Variants in VWA3A observed in about 807,000 individuals in gnomAD.
VWA3A encodes von Willebrand factor A domain-containing protein 3A.
In VWA3A, 134 loss-of-function variants were observed where a neutral mutation model predicts 160.4. The ratio of observed to expected loss-of-function variants is 0.84; its 90% CI spans 0.73 to 0.96. The LOEUF is 0.96. Ranked by LOEUF, VWA3A falls within the 40% of genes least tolerant of loss-of-function variation. The probability of loss-of-function intolerance (pLI) is 0.00; values close to 1 mark genes in which losing one functional copy is unlikely to be tolerated. For synonymous variants in VWA3A, 476 were observed against 543.4 expected, an observed-to-expected ratio of 0.88 and a Z score of 1.72; for missense variants, 1,310 against 1,447.9, an observed-to-expected ratio of 0.90 and a Z score of 1.55.
chr16:22,145,575 G>A (rs1015794592), intron 26 of VWA3A, among the ~76,000 whole-genome samples: 2 of 151,282 alleles, frequency 1.3e-5, no homozygotes, highest in Admixed American at 1.3e-4. Context: ...GGAGGCAGAG[G>A]CTGAAGTGAG....
chr16:22,131,909 C>A (rs180792340), intron 19 of VWA3A, among the ~76,000 whole-genome samples, 180 bp downstream of exon 19: 1 of 152,274 alleles, frequency 6.6e-6, no homozygotes, highest in East Asian at 1.9e-4. Flanking sequence ...CCAGCCTGGG[C>A]AATATAGTGA....
rs1196373166 is a variant in VWA3A at position 22,139,216 on chromosome 16, G to A, written c.2292+704G>A. The stretch of plus-strand genomic sequence containing the variant: ...GTGCAGCCGGGTTCTGCCCTCGTTC[G>A]GGGAACTCTGCCAGGTTTCAGGAGC... On this transcript the variant is annotated intron_variant, in intron 22 of 33. Transcript: ENST00000389398. Among the ~76,000 whole-genome samples the A allele has an allele frequency of 5.9e-5, 9 of 152,130 alleles. No homozygotes were observed. In the East Asian group the frequency reaches 1.3e-3, roughly 23 times the overall value.
intron 31 of VWA3A, among the ~76,000 whole-genome samples, chr16:22,154,584 C>T (rs2046405744): frequency 6.6e-6 from 1 of 151,928 alleles, no homozygotes; most frequent in Admixed American, 6.6e-5. Context: ...CCGCCTCAGC[C>T]ACCCAAAGCG....
chr16:22,141,805 T>C, intron 24 of VWA3A, 113 bp downstream of exon 24: 4 of 825,792 alleles, frequency 4.8e-6, no homozygotes, highest in Non-Finnish European at 7.5e-6. Flanking sequence ...ACCTAGGCAC[T>C]GGTGCCTCTG....
Position 22,121,002 on chromosome 16 carries a change from G to A in VWA3A, c.1151G>A (p.Ser384Asn), listed in dbSNP as rs1598066836. Residue 384 changes from serine to asparagine, a missense_variant, in exon 13 of 34, where the codon AGC becomes AAC. Physicochemically the swap from Ser to Asn is conservative, Grantham distance 46 (BLOSUM62 1). Coordinates refer to ENST00000389398, the MANE Select transcript of VWA3A (RefSeq NM_173615.5). ...GAGATTACAAATGGGCCACTCATAA[G>A]CCTCTTGCCTAAACCCCCAAAGCAT... is the stretch of plus-strand genomic sequence containing the variant. ...STEITNGPLI[S>N]LLPKPPKHDA... 2 of 1,613,958 alleles carry A rather than the reference G, an allele frequency of 1.2e-6. No individual in the cohort carries two copies. Among genetic ancestry groups the A allele is most frequent in the Non-Finnish European group, 1.7e-6 (2 of 1,179,884 alleles).
At chr16:22,127,180 G>T (rs760020493) in intron 17 of VWA3A, among the ~76,000 whole-genome samples, 1 of 151,854 alleles carries the variant, frequency 6.6e-6, no homozygotes, top group Non-Finnish European at 1.5e-5. Flanking sequence ...TGACTGGAGT[G>T]CAGTGGCTTG....
At position 22,156,623 on chromosome 16, in the gene VWA3A, T is replaced by G. The variant is rs1362418626; in HGVS notation, c.*606T>G. ...ACATGGTGAACAGTGAGCAGGCGGC[T>G]GAGCTGTGAGAGCCTAGCTCTGGAA... On this transcript the variant is annotated 3_prime_UTR_variant, in exon 34 of 34. Coordinates refer to ENST00000389398, the MANE Select transcript of VWA3A (RefSeq NM_173615.5). The G allele has an allele frequency of 6.6e-6, 1 of 152,258 alleles. No individual in the cohort carries two copies. The highest frequency in any genetic ancestry group is 1.5e-5 in the Non-Finnish European group (1 of 68,100). The allele number at this position is 152,258 out of a possible 1,614,324, so 9.4% of individuals were successfully genotyped here.
chr16:22,096,786 A>G (rs1333078294), intron 1 of VWA3A, 73 bp from the exon 2 acceptor site: 5 of 1,002,964 alleles, frequency 5.0e-6, no homozygotes, highest in Admixed American at 2.3e-5. Flanking sequence ...ATTGTGCTGA[A>G]TATAGATACC....
In VWA3A at chr16:22,155,920, A is replaced by C; in HGVS notation, c.*14+4A>C. On this transcript the variant is annotated splice_donor_region_variant and intron_variant, in intron 33 of 33. Transcript: ENST00000389398. ...TTTCCTAGAGAAGTGTTCTCAGGTA[A>C]GGGGAGGGGCTAGACCCCATACTAC... 2 of 1,613,860 alleles carry C rather than the reference A, an allele frequency of 1.2e-6. No individual in the cohort carries two copies. The highest frequency in any genetic ancestry group is 2.7e-5 in the African/African-American group (2 of 75,054).
intron 27 of VWA3A, among the ~76,000 whole-genome samples, chr16:22,147,386 G>A (rs960526328): frequency 2.6e-5 from 4 of 152,158 alleles, no homozygotes; most frequent in African/African-American, 7.2e-5. Flanking sequence ...TGTGGATTAA[G>A]AGACGGTCTG....
intron 6 of VWA3A, among the ~76,000 whole-genome samples, chr16:22,104,485 T>C (rs980698638): frequency 1.3e-5 from 2 of 151,820 alleles, no homozygotes; most frequent in African/African-American, 4.8e-5. Flanking sequence ...TGAGACTCCC[T>C]CTCAAAACAA....
chr16:22,148,080 T>A (rs1234801764), intron 27 of VWA3A, 82 bp from the exon 28 acceptor site: 12 of 1,462,680 alleles, frequency 8.2e-6, no homozygotes, highest in Non-Finnish European at 1.1e-5. Flanking sequence ...ACTTTATACT[T>A]GATAGATAGA....
At position 22,126,794 on chromosome 16, in the gene VWA3A, A is replaced by C. The variant is rs1038686869; in HGVS notation, c.1652+497A>C. Among the ~76,000 whole-genome samples, 3 of 152,134 alleles carry C rather than the reference A, an allele frequency of 2.0e-5. No homozygotes were observed. In the South Asian group the frequency reaches 6.2e-4, roughly 32 times the overall value. ...AGGCCGAGACAGGAGGATCGCTTGCATCCAGGAGTTTGAGACCAGCCTGGG... is the reference window on the plus strand; with the variant it reads ...AGGCCGAGACAGGAGGATCGCTTGCCTCCAGGAGTTTGAGACCAGCCTGGG... On this transcript the variant is annotated intron_variant, in intron 17 of 33. Transcript: ENST00000389398.
chr16:22,100,416 G>A lies in VWA3A; in HGVS notation c.351G>A (p.Leu117=), dbSNP rs781232829. ...ADLISQGTEV[L]EEGTNVVQKI... Reference sequence around the variant, plus strand: ...CCCTCATAAGGCTTTGCTTCTTCAGGGAGGAGGGCACCAATGTCGTGCAGA... The same window carrying A: ...CCCTCATAAGGCTTTGCTTCTTCAGAGAGGAGGGCACCAATGTCGTGCAGA... The change falls in exon 5 of 34, where the codon CTG becomes CTA. Residue 117 remains leucine, a splice_region_variant and synonymous_variant. Transcript: ENST00000389398. 1 of 1,551,590 alleles carries A rather than the reference G, an allele frequency of 6.4e-7. No homozygotes were observed. Among genetic ancestry groups the A allele is most frequent in the Non-Finnish European group, 8.7e-7 (1 of 1,146,990 alleles).
intron 31 of VWA3A, among the ~76,000 whole-genome samples, chr16:22,153,109 G>T (rs1043510383): frequency 6.6e-6 from 1 of 152,184 alleles, no homozygotes; most frequent in South Asian, 2.1e-4. Flanking sequence ...ACTTTGGGAG[G>T]CCGAGGTGGG....
At position 22,097,628 on chromosome 16, in the gene VWA3A, A is replaced by C. The variant is rs751264971; in HGVS notation, c.158A>C (p.Asn53Thr). The C allele has an allele frequency of 1.9e-6, 3 of 1,551,790 alleles. No homozygotes were observed. Among genetic ancestry groups the C allele is most frequent in the Non-Finnish European group, 2.6e-6 (3 of 1,147,028 alleles). The change falls in exon 3 of 34, where the codon AAT (asparagine) becomes ACT (threonine). Residue 53 changes from asparagine (N) to threonine (T), a missense_variant. Physicochemically the swap from Asn to Thr is moderately conservative, Grantham distance 65. Coordinates refer to ENST00000389398, the MANE Select transcript of VWA3A (RefSeq NM_173615.5). ...AAGCCACTAAAGCAGAAGAATATGA[A>C]TGGACTTGGGCAAAATTCGGACAAT... The part of the protein sequence containing the change: ...SKKPLKQKNM[N>T]GLGQNSDNGL...
At chr16:22,101,130 G>A (rs914380453) in intron 5 of VWA3A, among the ~76,000 whole-genome samples, 1 of 152,008 alleles carries the variant, frequency 6.6e-6, no homozygotes, top group African/African-American at 2.4e-5. Context: ...GGTGGTCCAT[G>A]CCTATAATCC....
rs1407001992 is a variant in VWA3A, at chr16:22,110,951, G to T, written c.646G>T (p.Ala216Ser). The change falls in exon 8 of 34, where the codon GCC becomes TCC. Residue 216 changes from alanine (A) to serine (S), a missense_variant. Physicochemically the swap from Ala to Ser is moderately conservative, Grantham distance 99. Coordinates refer to ENST00000389398, the MANE Select transcript of VWA3A (RefSeq NM_173615.5). ...GTTTGTCCTGTCCTTTGGCACCAAT[G>T]CCGGGTCCCTCTGGCCAGACCCCAT... ...KLFVLSFGTN[A>S]GSLWPDPMEV... is the part of the protein sequence containing the mutation. 6 of 1,610,542 alleles carry T rather than the reference G, an allele frequency of 3.7e-6. No homozygotes were observed. The highest frequency in any genetic ancestry group is 5.1e-6 in the Non-Finnish European group (6 of 1,178,546).
chr16:22,138,449 G>C lies in VWA3A; in HGVS notation c.2229G>C (p.Gln743His), dbSNP rs1203191031. Residue 743 changes from glutamine (Q) to histidine (H), a missense_variant, in exon 22 of 34, where the codon CAG becomes CAC. Transcript: ENST00000389398. ...CGAAAGAAAAACCAAAGACACTTCA[G>C]CTAAGAAGTCAGCCCAAGAAGCTCT... is the stretch of plus-strand genomic sequence containing the variant. ...ALPKEKPKTL[Q>H]LRSQPKKLCP... 1 of 1,613,556 alleles carries C rather than the reference G, an allele frequency of 6.2e-7. No homozygotes were observed. The highest frequency in any genetic ancestry group is 2.2e-5 in the East Asian group (1 of 44,846).
Sources: gnomAD v4.1 joint callset for allele counts (sites outside exome capture counted in the v4.1 genomes callset) on GRCh38, gnomAD v4.1.1 for gene constraint, MANE v1.5 for transcripts, NCBI Gene and HGNC (gene_info 2026-07-23, HGNC 2026-07-21) for gene names.